The following SMYD3 variants were observed in gnomAD, a reference collection of about 807,000 sequenced individuals.
SMYD3 encodes the protein SET and MYND domain containing 3.
In SMYD3, 36 loss-of-function variants were observed where a neutral mutation model predicts 57.7. The observed-to-expected ratio is 0.62, with a 90% CI of 0.48 to 0.82. The LOEUF (loss-of-function observed/expected upper bound fraction) is 0.82. Ranked by LOEUF, SMYD3 falls within the 40% of genes least tolerant of loss-of-function variation. The pLI, the probability that SMYD3 is intolerant of heterozygous loss-of-function variation, is 0.00. For synonymous variants in SMYD3, 211 were observed against 195.0 expected, an observed-to-expected ratio of 1.08 and a Z score of -0.68; for missense variants, 515 against 538.8, an observed-to-expected ratio of 0.96 and a Z score of 0.44.
In SMYD3 at chr1:245,798,602, A is replaced by C. The variant is rs114059644; in HGVS notation, c.1077-34453T>G. ...GGAAATTTCAAGAGCCTTGGGCTCC[A>C]TTCTTTGTGATGCCCAGATGTGTTT... On this transcript the variant is annotated intron_variant, in intron 10 of 11. Coordinates refer to ENST00000490107, the MANE Select transcript of SMYD3 (RefSeq NM_001167740.2). 3.0e-3 allele frequency among the ~76,000 whole-genome samples: 460 copies of C among 151,902 alleles called. 2 individuals are homozygous for C. The highest frequency in any genetic ancestry group is 0.011 in the African/African-American group (448 of 41,418).
rs2056489734 is a variant in SMYD3 at position 245,927,992 on chromosome 1, A to G, written c.641T>C (p.Ile214Thr). Residue 214 changes from isoleucine to threonine, a missense_variant, in exon 7 of 12, where the codon ATT (isoleucine) becomes ACT (threonine). Transcript: ENST00000490107. ...TAAGAGGTGGGGCCCATTGAACACA[A>G]TCGAACAGTTGGGGTCACAGCTGTG... ...LNHSCDPNCS[I>T]VFNGPHLLLR... 1.9e-6 allele frequency: 3 copies of G among 1,612,164 alleles called. No individual in the cohort carries two copies. The highest frequency in any genetic ancestry group is 1.7e-6 in the Non-Finnish European group (2 of 1,178,850).
intron 1 of SMYD3, among the ~76,000 whole-genome samples, chr1:246,460,830 T>C (rs545608094): frequency 1.9e-3 from 284 of 152,320 alleles, no homozygotes; most frequent in African/African-American, 6.6e-3. Flanking sequence ...GCCTTGAACA[T>C]TACAAAGAAA....
At chr1:245,986,909 C>T (rs2058716697) in intron 5 of SMYD3, among the ~76,000 whole-genome samples, 1 of 152,126 alleles carries the variant, frequency 6.6e-6, no homozygotes, top group Middle Eastern at 3.2e-3. Context: ...AATCCAGAGA[C>T]AAATATAAGT....
chr1:245,897,347 AT>A (rs2053888567), intron 8 of SMYD3, among the ~76,000 whole-genome samples: 1 of 152,188 alleles, frequency 6.6e-6, no homozygotes, highest in African/African-American at 2.4e-5. Context: ...AAGGGGTACC[AT>A]TGTTTTCAAC....
intron 11 of SMYD3, among the ~76,000 whole-genome samples, chr1:245,752,692 C>G (rs1044945407): frequency 2.2e-4 from 34 of 152,228 alleles, no homozygotes; most frequent in Non-Finnish European, 4.1e-4. Context: ...AGTACGGTAA[C>G]TACTTCCAGT....
intron 5 of SMYD3, among the ~76,000 whole-genome samples, chr1:246,153,200 T>A (rs2061971154): frequency 6.6e-6 from 1 of 152,096 alleles, no homozygotes; most frequent in South Asian, 2.1e-4. Flanking sequence ...GCTACCAACT[T>A]CCTACCCAAC....
intron 7 of SMYD3, among the ~76,000 whole-genome samples, chr1:245,926,316 A>C (rs2147828788): frequency 6.6e-6 from 1 of 152,364 alleles, no homozygotes; most frequent in Admixed American, 6.5e-5. Flanking sequence ...AGTGGACAGA[A>C]ACGATGATGA....
Position 246,507,263 on chromosome 1 carries a change from C to T in SMYD3, c.-46G>A, listed in dbSNP as rs1402984397. 2 of 1,451,320 alleles carry T rather than the reference C, an allele frequency of 1.4e-6. No individual in the cohort carries two copies. The highest frequency in any genetic ancestry group is 1.4e-5 in the South Asian group (1 of 72,396). The allele number at this position is 1,451,320 out of a possible 1,614,324, so 89.9% of individuals were successfully genotyped here. ...TCAGACGGCTACCCGCGTCCAGCAG[C>T]GGGCGTCTCACGGGCTGCCGGGACC... On this transcript the variant is annotated 5_prime_UTR_variant, in exon 1 of 12. Coordinates refer to ENST00000490107, the MANE Select transcript of SMYD3 (RefSeq NM_001167740.2).
At chr1:246,153,059 A>C (rs2061968219) in intron 5 of SMYD3, among the ~76,000 whole-genome samples, 1 of 152,170 alleles carries the variant, frequency 6.6e-6, no homozygotes, top group African/African-American at 2.4e-5. Context: ...GGGGCCCAGA[A>C]CCGTATCACA....
intron 5 of SMYD3, among the ~76,000 whole-genome samples, chr1:246,314,934 T>G (rs1274339654): frequency 6.6e-6 from 1 of 152,258 alleles, no homozygotes; most frequent in African/African-American, 2.4e-5. Flanking sequence ...ATTTAACTTC[T>G]GTTTGCTGTA....
intron 10 of SMYD3, among the ~76,000 whole-genome samples, chr1:245,828,796 G>A (rs1235494609): frequency 6.6e-6 from 1 of 151,458 alleles, no homozygotes; most frequent in African/African-American, 2.4e-5. Flanking sequence ...TCCGCTTCCC[G>A]GGTTCAAGCA....
At chr1:246,316,966 G>A (rs567474685) in intron 5 of SMYD3, among the ~76,000 whole-genome samples, 51 of 150,984 alleles carry the variant, frequency 3.4e-4, no homozygotes, top group Non-Finnish European at 6.0e-4. Flanking sequence ...CTACACTCCA[G>A]CCTGGTGACA....
chr1:246,459,151 C>T (rs138983452), intron 1 of SMYD3, among the ~76,000 whole-genome samples: 56 of 152,128 alleles, frequency 3.7e-4, no homozygotes, highest in Admixed American at 3.6e-3. Context: ...GTAGCACGTC[C>T]CCCTTCACTC....
chr1:246,340,882 G>A (rs1459517836), intron 2 of SMYD3, among the ~76,000 whole-genome samples: 1 of 152,014 alleles, frequency 6.6e-6, no homozygotes, highest in Non-Finnish European at 1.5e-5. Context: ...AAGAGGAGAG[G>A]ATCACTCCCA....
chr1:246,002,852 T>C (rs941254397), intron 5 of SMYD3, among the ~76,000 whole-genome samples: 1 of 152,084 alleles, frequency 6.6e-6, no homozygotes, highest in African/African-American at 2.4e-5. Flanking sequence ...TGGGCTCCAG[T>C]GATCCTTCCA....
At chr1:245,857,972 C>T (rs777266245) in intron 10 of SMYD3, among the ~76,000 whole-genome samples, 3 of 152,140 alleles carry the variant, frequency 2.0e-5, no homozygotes, top group Non-Finnish European at 2.9e-5. Flanking sequence ...GAGGCAGGGC[C>T]GTCTCCCTGC....
intron 5 of SMYD3, among the ~76,000 whole-genome samples, chr1:246,166,922 T>C (rs907481175): frequency 5.9e-5 from 9 of 152,202 alleles, no homozygotes; most frequent in African/African-American, 2.2e-4. Context: ...CGATACCCAC[T>C]GAAGGCAGCT....
chr1:246,363,172 G>T (rs1212132418), intron 1 of SMYD3, among the ~76,000 whole-genome samples: 1 of 150,600 alleles, frequency 6.6e-6, no homozygotes, highest in Admixed American at 6.6e-5. Context: ...GAAGTGAGGA[G>T]CCCCTCCGCC....
chr1:246,023,794 G>A (rs1003882000), intron 5 of SMYD3, among the ~76,000 whole-genome samples: 1 of 119,598 alleles, frequency 8.4e-6, no homozygotes, highest in Non-Finnish European at 1.7e-5. Flanking sequence ...CACTTCACAG[G>A]ACTATTACAA....
Sources: gnomAD v4.1 joint callset for allele counts (sites outside exome capture counted in the v4.1 genomes callset) on GRCh38, gnomAD v4.1.1 for gene constraint, MANE v1.5 for transcripts, NCBI Gene and HGNC (gene_info 2026-07-23, HGNC 2026-07-21) for gene names.